Variants in CPA6 observed in about 807,000 individuals in gnomAD.
CPA6 encodes carboxypeptidase A6.
A neutral mutation model predicts 63.3 loss-of-function variants in CPA6; 58 were observed. The observed-to-expected ratio is 0.92, with a 90% confidence interval of 0.74 to 1.14. CPA6 has a LOEUF of 1.14. Ranked by LOEUF, CPA6 falls within the 50% of genes most tolerant of loss-of-function variation. CPA6 has a pLI of 0.00. For synonymous variants in CPA6, 185 were observed against 179.0 expected, an observed-to-expected ratio of 1.03 and a Z score of -0.27; for missense variants, 565 against 526.6, an observed-to-expected ratio of 1.07 and a Z score of -0.71.
chr8:67,534,184 A>C (rs940086409), intron 2 of CPA6, among the ~76,000 whole-genome samples: 12 of 152,224 alleles, frequency 7.9e-5, no homozygotes, highest in Non-Finnish European at 1.0e-4. Flanking sequence ...CCTTGCACAT[A>C]GGTATTCTTC....
intron 2 of CPA6, among the ~76,000 whole-genome samples, chr8:67,594,887 G>A (rs1244579115): frequency 1.3e-5 from 2 of 152,210 alleles, no homozygotes; most frequent in African/African-American, 4.8e-5. Context: ...ACTCGTCAAA[G>A]TCATTCTCCG....
At chr8:67,600,375 G>A (rs1814463432) in intron 2 of CPA6, among the ~76,000 whole-genome samples, 1 of 151,958 alleles carries the variant, frequency 6.6e-6, no homozygotes, top group Admixed American at 6.6e-5. Context: ...TGGGGTGGGT[G>A]GATGGAGAGA....
intron 1 of CPA6, among the ~76,000 whole-genome samples, chr8:67,668,007 T>G (rs1392816832): frequency 6.6e-6 from 1 of 152,228 alleles, no homozygotes; most frequent in African/African-American, 2.4e-5. Context: ...AATATTTGAC[T>G]TGGGCTGGTG....
At chr8:67,637,924 G>A (rs1173661700) in intron 1 of CPA6, among the ~76,000 whole-genome samples, 1 of 151,050 alleles carries the variant, frequency 6.6e-6, no homozygotes, top group African/African-American at 2.5e-5. Context: ...ATAATTTGTT[G>A]GGCTCAATAC....
At position 67,595,492 on chromosome 8, in the gene CPA6, A is replaced by C. The variant is rs370401930; in HGVS notation, c.192+28684T>G. ...CTGTGCCCTGCCCCCAGAGGTGGAG[A>C]CTACAGAGGCAGGCAGGCCTCCTTG... On this transcript the variant is annotated intron_variant, in intron 2 of 10. Coordinates refer to ENST00000297770, the MANE Select transcript of CPA6 (RefSeq NM_020361.5). 1.1e-3 allele frequency among the ~76,000 whole-genome samples: 165 copies of C among 152,026 alleles called. 1 individual carries two copies. Among genetic ancestry groups the C allele is most frequent in the Non-Finnish European group, 2.0e-3 (137 of 67,978 alleles).
chr8:67,693,414 A>G (rs1816852218), intron 1 of CPA6, among the ~76,000 whole-genome samples: 1 of 152,254 alleles, frequency 6.6e-6, no homozygotes, highest in South Asian at 2.1e-4. Flanking sequence ...ACTTAGTGAA[A>G]TGTGGGAGAA....
chr8:67,703,978 T>C (rs1817080302), intron 1 of CPA6, among the ~76,000 whole-genome samples: 1 of 152,182 alleles, frequency 6.6e-6, no homozygotes, highest in African/African-American at 2.4e-5. Context: ...AGCACCCACT[T>C]TGGGAGGAAG....
At chr8:67,547,161 C>G (rs1812835148) in intron 2 of CPA6, among the ~76,000 whole-genome samples, 1 of 151,948 alleles carries the variant, frequency 6.6e-6, no homozygotes, top group African/African-American at 2.4e-5. Flanking sequence ...ATTCTCCTGC[C>G]TCAGCCTCCC....
rs527764064 is a variant in CPA6 at position 67,601,766 on chromosome 8, A to G, written c.192+22410T>C. Among the ~76,000 whole-genome samples the G allele has an allele frequency of 2.0e-5, 3 of 152,320 alleles. No individual in the cohort carries two copies. The East Asian group carries it at 5.8e-4, about 29-fold the overall frequency. ...GGAGTAGCGAAATAGGAATTTTCAT[A>G]CATTTCTGGTGGGAGTGTGAACTGA... is the stretch of plus-strand genomic sequence containing the variant. On this transcript the variant is annotated intron_variant, in intron 2 of 10. Transcript: ENST00000297770.
chr8:67,585,492 T>G (rs997520422), intron 2 of CPA6, among the ~76,000 whole-genome samples: 1 of 152,092 alleles, frequency 6.6e-6, no homozygotes, highest in Non-Finnish European at 1.5e-5. Context: ...TTGTTAGACA[T>G]GGGGGCATGA....
intron 1 of CPA6, among the ~76,000 whole-genome samples, chr8:67,679,500 A>G (rs1816547813): frequency 6.6e-6 from 1 of 152,190 alleles, no homozygotes; most frequent in African/African-American, 2.4e-5. Flanking sequence ...TCAATTTCAT[A>G]TAATTGACTC....
At chr8:67,673,248 A>G (rs1452545228) in intron 1 of CPA6, among the ~76,000 whole-genome samples, 1 of 151,972 alleles carries the variant, frequency 6.6e-6, no homozygotes, top group African/African-American at 2.4e-5. Flanking sequence ...GAAGGGGCAA[A>G]ATAGGGATAT....
chr8:67,521,232 C>T (rs11984486), intron 2 of CPA6, among the ~76,000 whole-genome samples: 4,194 of 152,300 alleles, frequency 0.028, 187 homozygotes, highest in African/African-American at 0.094. Flanking sequence ...TGACTATTCC[C>T]GTGTGTTCTT....
chr8:67,512,637 A>G (rs1290649361), intron 3 of CPA6, among the ~76,000 whole-genome samples: 1 of 152,228 alleles, frequency 6.6e-6, no homozygotes, highest in African/African-American at 2.4e-5. Flanking sequence ...AGTTTCACAC[A>G]GTAGCAAAGC....
chr8:67,647,591 C>A (rs1183996308), intron 1 of CPA6, among the ~76,000 whole-genome samples: 2 of 152,156 alleles, frequency 1.3e-5, no homozygotes, highest in African/African-American at 4.8e-5. Context: ...GTCTCTTAGA[C>A]CTTCCCTGAC....
intron 1 of CPA6, among the ~76,000 whole-genome samples, chr8:67,679,684 C>T (rs1328009934): frequency 1.3e-5 from 2 of 152,124 alleles, no homozygotes; most frequent in Non-Finnish European, 2.9e-5. Flanking sequence ...GAAGCCATAA[C>T]CAAGGGGAAC....
intron 8 of CPA6, among the ~76,000 whole-genome samples, chr8:67,454,140 T>C (rs1295305228): frequency 1.3e-5 from 2 of 152,246 alleles, no homozygotes; most frequent in African/African-American, 4.8e-5. Context: ...ACCCTGTCTT[T>C]ACAAAATAAA....
Position 67,434,067 on chromosome 8 carries a change from A to G in CPA6, c.1012T>C (p.Tyr338His). ...QMLLYPYSYK[Y>H]ATIPNFRCVE... ...CATCTAAAATTGGGAATTGTTGCAT[A>G]TTTGTAAGAATAGGGATACAGTAAC... Residue 338 changes from tyrosine (Y) to histidine (H), a missense_variant, in exon 9 of 11, where the codon TAT becomes CAT. Transcript: ENST00000297770. 1 of 1,613,342 alleles carries G rather than the reference A, an allele frequency of 6.2e-7. No homozygotes were observed.
At chr8:67,678,727 C>G (rs897856673) in intron 1 of CPA6, among the ~76,000 whole-genome samples, 4 of 152,102 alleles carry the variant, frequency 2.6e-5, no homozygotes, top group Non-Finnish European at 4.4e-5. Flanking sequence ...GTAGAGCTAC[C>G]CGATGACTCA....
Sources: gnomAD v4.1 joint callset for allele counts (sites outside exome capture counted in the v4.1 genomes callset) on GRCh38, gnomAD v4.1.1 for gene constraint, MANE v1.5 for transcripts, NCBI Gene and HGNC (gene_info 2026-07-23, HGNC 2026-07-21) for gene names.